MYO18A: variants seen among roughly 807,000 people sequenced by gnomAD.
MYO18A encodes the protein myosin XVIIIA, also known as unconventional myosin-XVIIIa.
In MYO18A, 78 loss-of-function variants were observed where a neutral mutation model predicts 235.8. The ratio of observed to expected loss-of-function variants is 0.33; its 90% CI spans 0.28 to 0.40. The LOEUF (loss-of-function observed/expected upper bound fraction) is 0.40, where lower values mean the gene tolerates loss of function less well. MYO18A is among the 10% of genes least tolerant of loss of function. MYO18A has a pLI of 1.00. For missense variants in MYO18A, 2,215 were observed against 2,699.3 expected (o/e 0.82, Z 3.98); for synonymous variants, 977 against 1,077.8 (o/e 0.91, Z 1.83).
Position 29,074,066 on chromosome 17 carries a change from T to C in MYO18A, c.*704A>G. 6.2e-7 allele frequency: 1 copy of C among 1,613,944 alleles called. No homozygotes were observed. Among genetic ancestry groups the C allele is most frequent in the Non-Finnish European group, 8.5e-7 (1 of 1,180,018 alleles). On this transcript the variant is annotated 3_prime_UTR_variant, in exon 42 of 42. Coordinates refer to ENST00000527372, the MANE Select transcript of MYO18A (RefSeq NM_078471.4). The surrounding 1 kb of genome is among the most constrained non-coding windows in gnomAD (Gnocchi z 4.4). ...CACACACTTGTCTGCGTAGGCTTGC[T>C]CAACCCAGCCCAGCAGCACCGGAGA... is the stretch of plus-strand genomic sequence containing the variant.
chr17:29,101,941 C>A (rs934752966), intron 21 of MYO18A, among the ~76,000 whole-genome samples: 10 of 152,214 alleles, frequency 6.6e-5, no homozygotes, highest in South Asian at 2.1e-4. Context: ...GGCTCTGAGC[C>A]CCCCCAGAGT....
In MYO18A at chr17:29,117,853, C is replaced by T. The variant is rs1292754763; in HGVS notation, c.2038+192G>A. 1.3e-5 allele frequency among the ~76,000 whole-genome samples: 2 copies of T among 152,176 alleles called. No individual in the cohort carries two copies. The highest frequency in any genetic ancestry group is 2.4e-5 in the African/African-American group (1 of 41,440). ...AGCACAGCCAGCTAAGTCCAGGCCT[C>T]GGGTCGTCACTGCCAAAGATGCTTC... is the stretch of plus-strand genomic sequence containing the variant. On this transcript the variant is annotated intron_variant, in intron 10 of 41. Coordinates refer to ENST00000527372, the MANE Select transcript of MYO18A (RefSeq NM_078471.4). This position sits in a 1 kb window ranked among gnomAD's most constrained non-coding sequence, Gnocchi z 4.6.
intron 34 of MYO18A, chr17:29,091,267 G>A (rs904896129): frequency 9.5e-5 from 31 of 327,244 alleles, no homozygotes; most frequent in South Asian, 4.8e-4. Context: ...CCTGGCCTGC[G>A]TGCACTCTGC....
intron 2 of MYO18A, among the ~76,000 whole-genome samples, chr17:29,144,196 CACAGCCAG>C (rs2067801448): frequency 6.6e-6 from 1 of 152,182 alleles, no homozygotes; most frequent in African/African-American, 2.4e-5. Context: ...TGGACACTCC[CACAGCCAG>C]CCAGGCCACC....
At chr17:29,123,473 G>C (rs2067248628) in intron 2 of MYO18A, among the ~76,000 whole-genome samples, 1 of 152,240 alleles carries the variant, frequency 6.6e-6, no homozygotes, top group African/African-American at 2.4e-5. Flanking sequence ...GAAAACATAA[G>C]AAGTATGTTC....
At position 29,092,268 on chromosome 17, in the gene MYO18A, G is replaced by A. The variant is rs192636848; in HGVS notation, c.5187+75C>T. ...CCTGACGTGGAGGGACCTGTCTAGG[G>A]TGAAGGGAGCCACAGAGGCAGCTCT... On this transcript the variant is annotated intron_variant, in intron 34 of 41. Transcript: ENST00000527372. 5 of 1,116,752 alleles carry A rather than the reference G, an allele frequency of 4.5e-6. No individual in the cohort carries two copies. In the African/African-American group the frequency reaches 4.6e-5, roughly 10 times the overall value. The allele number at this position is 1,116,752 out of a possible 1,614,324, so 69.2% of individuals were successfully genotyped here.
intron 22 of MYO18A, 124 bp downstream of exon 22, chr17:29,099,510 C>T (rs996401193): frequency 9.8e-6 from 13 of 1,327,154 alleles, no homozygotes; most frequent in Non-Finnish European, 8.1e-6. Context: ...CTGTTCCCCA[C>T]CCTGGCCCAG....
chr17:29,117,441 A>C lies in MYO18A; in HGVS notation c.2038+604T>G, dbSNP rs2067100717. Among the ~76,000 whole-genome samples the C allele has an allele frequency of 6.6e-6, 1 of 151,876 alleles. No individual in the cohort carries two copies. The highest frequency in any genetic ancestry group is 2.4e-5 in the African/African-American group (1 of 41,358). On this transcript the variant is annotated intron_variant, in intron 10 of 41. Coordinates refer to ENST00000527372, the MANE Select transcript of MYO18A (RefSeq NM_078471.4). The surrounding 1 kb of genome is among the most constrained non-coding windows in gnomAD (Gnocchi z 4.6). ...CCAGGTAGCAAGCCCACCCTACCCC[A>C]CCCCACGGTGGGCATCCTGAGAGGT...
intron 2 of MYO18A, chr17:29,136,983 A>G (rs1009388119): frequency 6.6e-6 from 1 of 152,270 alleles, no homozygotes; most frequent in Non-Finnish European, 1.5e-5. Flanking sequence ...TCTGAGGGAC[A>G]GCAAGAGAGA....
In MYO18A at chr17:29,079,432, G is replaced by C. The variant is rs1206863496; in HGVS notation, c.6020+2884C>G. ...AGACTTTGTTACGGAGTTACTGTGAGGGATAAGTGACTAAAGTGTGGAAGG... is the reference window on the plus strand; with the variant it reads ...AGACTTTGTTACGGAGTTACTGTGACGGATAAGTGACTAAAGTGTGGAAGG... On this transcript the variant is annotated intron_variant, in intron 41 of 41. Coordinates refer to ENST00000527372, the MANE Select transcript of MYO18A (RefSeq NM_078471.4). Among the ~76,000 whole-genome samples, 6 of 152,238 alleles carry C rather than the reference G, an allele frequency of 3.9e-5. No homozygotes were observed. In the East Asian group the frequency reaches 1.2e-3, roughly 29 times the overall value.
intron 2 of MYO18A, chr17:29,131,564 G>A (rs868744996): frequency 8.4e-5 from 23 of 275,290 alleles, no homozygotes; most frequent in Middle Eastern, 3.6e-3. Context: ...GAGTCTTTAG[G>A]AATACCGGGG....
intron 1 of MYO18A, among the ~76,000 whole-genome samples, chr17:29,168,936 G>A (rs1462776455): frequency 7.9e-5 from 12 of 152,256 alleles, no homozygotes; most frequent in Non-Finnish European, 1.3e-4. Flanking sequence ...TCGGGAGGCC[G>A]AGGTGGGCGG....
Position 29,074,922 on chromosome 17 carries a change from G to A in MYO18A, c.6021-8C>T. 2 of 1,613,926 alleles carry A rather than the reference G, an allele frequency of 1.2e-6. No homozygotes were observed. Among genetic ancestry groups the A allele is most frequent in the Non-Finnish European group, 1.7e-6 (2 of 1,179,844 alleles). ...TTCCAGTAGCTGGTGGGGCTGCAGGGACCGAGGAATAAGGTTAGGGACAAA... is the reference window on the plus strand; with the variant it reads ...TTCCAGTAGCTGGTGGGGCTGCAGGAACCGAGGAATAAGGTTAGGGACAAA... On this transcript the variant is annotated splice_polypyrimidine_tract_variant and splice_region_variant and intron_variant, in intron 41 of 41. Coordinates refer to ENST00000527372, the MANE Select transcript of MYO18A (RefSeq NM_078471.4). This position sits in a 1 kb window ranked among gnomAD's most constrained non-coding sequence, Gnocchi z 4.4.
intron 40 of MYO18A, among the ~76,000 whole-genome samples, chr17:29,084,646 A>G (rs943988536): frequency 6.6e-6 from 1 of 152,114 alleles, no homozygotes; most frequent in Non-Finnish European, 1.5e-5. Context: ...ATTGTGTGTG[A>G]CAACCAGGCT....
intron 2 of MYO18A, among the ~76,000 whole-genome samples, chr17:29,162,818 T>C (rs1446408595): frequency 6.6e-6 from 1 of 152,138 alleles, no homozygotes; most frequent in African/African-American, 2.4e-5. Flanking sequence ...AGGCCACAAA[T>C]CTACCCTACC....
intron 2 of MYO18A, among the ~76,000 whole-genome samples, chr17:29,130,528 A>AC (rs2067446956): frequency 3.5e-4 from 45 of 128,882 alleles, no homozygotes; most frequent in Admixed American, 1.7e-3. Flanking sequence ...ACACACACAC[A>AC]ACCCTTTCAA....
chr17:29,098,132 C>T lies in MYO18A; in HGVS notation c.3963G>A (p.Arg1321=). 2 of 1,613,756 alleles carry T rather than the reference C, an allele frequency of 1.2e-6. No homozygotes were observed. Among genetic ancestry groups the T allele is most frequent in the Non-Finnish European group, 1.7e-6 (2 of 1,179,882 alleles). ...LLDAETAERL[R]AEKEMKELQT... Reference sequence around the variant, plus strand: ...GCAGTTCCTTCATCTCCTTCTCAGCCCGGAGCCTCTCTGCTGTCTCCGCGT... The same window carrying T: ...GCAGTTCCTTCATCTCCTTCTCAGCTCGGAGCCTCTCTGCTGTCTCCGCGT... The change falls in exon 25 of 42, where the codon CGG becomes CGA. Residue 1321 remains arginine (R), a synonymous_variant. Transcript: ENST00000527372.
chr17:29,097,963 C>T (rs1334377309), intron 25 of MYO18A, 64 bp from the exon 26 acceptor site: 3 of 1,576,642 alleles, frequency 1.9e-6, no homozygotes, highest in South Asian at 1.2e-5. Flanking sequence ...CCGAACCACA[C>T]AGACCATGAT....
chr17:29,180,244 G>A lies in MYO18A; in HGVS notation c.-82+69C>T, dbSNP rs2068620945. 2 of 140,642 alleles carry A rather than the reference G, an allele frequency of 1.4e-5. No homozygotes were observed. Among genetic ancestry groups the A allele is most frequent in the Admixed American group, 7.0e-5 (1 of 14,296 alleles). The allele number at this position is 140,642 out of a possible 1,614,324, so 8.7% of individuals were successfully genotyped here. On this transcript the variant is annotated intron_variant, in intron 1 of 41. Transcript: ENST00000527372. This position sits in a 1 kb window ranked among gnomAD's most constrained non-coding sequence, Gnocchi z 6.1. Reference sequence around the variant, plus strand: ...GCCCGCCCGCCCTCCCTCCCGGCCGGAGCCCGCCCCGCCGCCCCACCAAGC... The same window carrying A: ...GCCCGCCCGCCCTCCCTCCCGGCCGAAGCCCGCCCCGCCGCCCCACCAAGC...
Sources: allele counts gnomAD v4.1 joint callset (sites outside exome capture counted in the v4.1 genomes callset), GRCh38; gene constraint gnomAD v4.1.1; non-coding constraint Gnocchi (gnomAD v3.1); transcripts MANE v1.5; gene names NCBI Gene and HGNC (gene_info 2026-07-23, HGNC 2026-07-21).